ANO10: variants seen among roughly 807,000 people sequenced by gnomAD.
ANO10 encodes the protein anoctamin 10, also known as anoctamin-10.
ANO10 carries 77 observed loss-of-function variants against 74.7 expected under a neutral mutation model. The ratio of observed to expected loss-of-function variants is 1.03; its 90% CI spans 0.86 to 1.25. ANO10 has a LOEUF of 1.25. Ranked by LOEUF, ANO10 falls within the 50% of genes most tolerant of loss-of-function variation. The pLI is 0.00. For missense variants in ANO10, 721 were observed against 778.1 expected (o/e 0.93, Z 0.87); for synonymous variants, 279 against 284.9 (o/e 0.98, Z 0.21).
At chr3:43,642,236 C>G (rs1386813617) in intron 1 of ANO10, among the ~76,000 whole-genome samples, 1 of 152,118 alleles carries the variant, frequency 6.6e-6, no homozygotes, top group Non-Finnish European at 1.5e-5. Flanking sequence ...AGTTCTTTGA[C>G]TTAATAGTTG....
chr3:43,516,160 A>T (rs1029532142), intron 11 of ANO10, among the ~76,000 whole-genome samples: 1 of 152,202 alleles, frequency 6.6e-6, no homozygotes, highest in African/African-American at 2.4e-5. Flanking sequence ...AGAACTGATC[A>T]ACTAGGGGAG....
At chr3:43,690,924 G>C in intron 1 of ANO10, 2 of 1,505,848 alleles carry the variant, frequency 1.3e-6, no homozygotes, top group South Asian at 2.5e-5. Flanking sequence ...TGCCGCGCCA[G>C]CCCGGGGCGG....
At chr3:43,635,100 C>T (rs1302263100) in intron 1 of ANO10, among the ~76,000 whole-genome samples, 2 of 152,082 alleles carry the variant, frequency 1.3e-5, no homozygotes, top group African/African-American at 4.8e-5. Context: ...GCAAAAGGGC[C>T]TCAAATGCAA....
At chr3:43,614,125 C>G (rs146807831) in intron 1 of ANO10, among the ~76,000 whole-genome samples, 2 of 152,320 alleles carry the variant, frequency 1.3e-5, no homozygotes, top group African/African-American at 4.8e-5. Context: ...CGCAGAGTAT[C>G]TGGGGACACG....
chr3:43,497,998 C>CTTA (rs2076974089), intron 11 of ANO10, among the ~76,000 whole-genome samples: 1 of 152,112 alleles, frequency 6.6e-6, no homozygotes, highest in African/African-American at 2.4e-5. Context: ...CTCTGTACTT[C>CTTA]TTATATGGAA....
intron 1 of ANO10, among the ~76,000 whole-genome samples, chr3:43,632,966 C>T (rs1216915605): frequency 1.3e-5 from 2 of 152,082 alleles, no homozygotes; most frequent in South Asian, 2.1e-4. Context: ...ATAACAGCAA[C>T]CTTTAGATCA....
intron 12 of ANO10, among the ~76,000 whole-genome samples, chr3:43,428,973 G>T (rs1342418668): frequency 6.6e-6 from 1 of 152,052 alleles, no homozygotes; most frequent in Non-Finnish European, 1.5e-5. Flanking sequence ...TTGTATGAGA[G>T]AGGATTTTGG....
chr3:43,629,757 T>G (rs1359030921), intron 1 of ANO10, among the ~76,000 whole-genome samples: 1 of 152,078 alleles, frequency 6.6e-6, no homozygotes, highest in African/African-American at 2.4e-5. Flanking sequence ...TATAGGAAAA[T>G]CAGATTTGGG....
intron 11 of ANO10, among the ~76,000 whole-genome samples, chr3:43,514,650 T>C (rs2077639139): frequency 6.6e-6 from 1 of 152,216 alleles, no homozygotes; most frequent in Non-Finnish European, 1.5e-5. Flanking sequence ...TATGGAACAT[T>C]CTACCCAACA....
intron 11 of ANO10, among the ~76,000 whole-genome samples, chr3:43,513,991 T>A (rs2149191742): frequency 6.6e-6 from 1 of 150,668 alleles, no homozygotes; most frequent in African/African-American, 2.4e-5. Flanking sequence ...TTTTGCTTGC[T>A]ATTTTTATTT....
chr3:43,568,027 T>A (rs1447526829), intron 7 of ANO10, among the ~76,000 whole-genome samples: 1 of 151,776 alleles, frequency 6.6e-6, no homozygotes, highest in Non-Finnish European at 1.5e-5. Context: ...AGGCAGGGGT[T>A]GCAATCCTAG....
chr3:43,544,792 GA>G (rs1478931764), intron 11 of ANO10, among the ~76,000 whole-genome samples: 1 of 62,882 alleles, frequency 1.6e-5, no homozygotes, highest in East Asian at 5.2e-4. Flanking sequence ...GACTCTGTCT[GA>G]AATAAAAAAA....
At chr3:43,442,487 G>A (rs1460699687) in intron 11 of ANO10, among the ~76,000 whole-genome samples, 3 of 152,164 alleles carry the variant, frequency 2.0e-5, no homozygotes, top group Non-Finnish European at 4.4e-5. Context: ...TAACCAAGGA[G>A]ATGAAAAGCG....
At chr3:43,679,457 T>G (rs1274871263) in intron 1 of ANO10, among the ~76,000 whole-genome samples, 1 of 152,136 alleles carries the variant, frequency 6.6e-6, no homozygotes, top group East Asian at 1.9e-4. Flanking sequence ...TCGAACTGGG[T>G]AGAGCCCACC....
chr3:43,447,853 A>G (rs894297910), intron 11 of ANO10, among the ~76,000 whole-genome samples: 3 of 152,190 alleles, frequency 2.0e-5, no homozygotes, highest in African/African-American at 7.2e-5. Context: ...CTGATACTTT[A>G]TTATCAACCA....
chr3:43,398,055 T>C (rs62250911), intron 12 of ANO10, among the ~76,000 whole-genome samples: 1,734 of 152,320 alleles, frequency 0.011, 12 homozygotes, highest in Non-Finnish European at 0.019. Flanking sequence ...GTTTTACAGA[T>C]TGAGAAACTG....
At chr3:43,691,545 A>T (rs996162562) in exon 1 of ANO10, 2 of 152,320 alleles carry the variant, frequency 1.3e-5, no homozygotes, top group African/African-American at 4.8e-5. Flanking sequence ...CAGCCACTGG[A>T]CGATCCTTCC....
chr3:43,536,647 T>C lies in ANO10; in HGVS notation c.1797+13073A>G, dbSNP rs116422068. ...AAGAAAAGCTTAAAAGCCCTCTTCTTTTGTTCCTTTCAGCAATATGCCTAA... is the reference window on the plus strand; with the variant it reads ...AAGAAAAGCTTAAAAGCCCTCTTCTCTTGTTCCTTTCAGCAATATGCCTAA... On this transcript the variant is annotated intron_variant, in intron 11 of 12. Transcript: ENST00000292246. Among the ~76,000 whole-genome samples the C allele has an allele frequency of 9.0e-3, 1,374 of 152,260 alleles. 23 individuals carry two copies. The highest frequency in any genetic ancestry group is 0.031 in the African/African-American group (1,276 of 41,544).
At chr3:43,684,253 A>G (rs2084243328) in intron 1 of ANO10, among the ~76,000 whole-genome samples, 1 of 152,240 alleles carries the variant, frequency 6.6e-6, no homozygotes, top group Non-Finnish European at 1.5e-5. Flanking sequence ...AAACAACCCC[A>G]TCAAAAAGTG....
Sources: gnomAD v4.1 joint callset for allele counts (sites outside exome capture counted in the v4.1 genomes callset) on GRCh38, gnomAD v4.1.1 for gene constraint, MANE v1.5 for transcripts, NCBI Gene and HGNC (gene_info 2026-07-23, HGNC 2026-07-21) for gene names.